DPY19L2: variants seen among roughly 807,000 people sequenced by gnomAD.
DPY19L2 encodes the protein probable C-mannosyltransferase DPY19L2.
Under a neutral mutation model 97.9 loss-of-function variants are expected in DPY19L2, and 34 were observed. That is an observed-to-expected ratio of 0.35 (90% CI 0.26 to 0.46). The LOEUF (loss-of-function observed/expected upper bound fraction) is 0.46, where lower values mean the gene tolerates loss of function less well. DPY19L2 is among the 20% of genes least tolerant of loss of function. The pLI is 1.00. For missense variants in DPY19L2, 623 were observed against 911.4 expected (o/e 0.68, Z 4.07); for synonymous variants, 230 against 307.9 (o/e 0.75, Z 2.65).
chr12:63,602,667 AATT>A (rs1197911839), intron 12 of DPY19L2, among the ~76,000 whole-genome samples: 6 of 152,096 alleles, frequency 3.9e-5, no homozygotes, highest in Non-Finnish European at 2.9e-5. Flanking sequence ...AAAGTCACAT[AATT>A]TATAAGGGAC....
chr12:63,574,176 G>A (rs1454995621), intron 19 of DPY19L2, among the ~76,000 whole-genome samples: 2 of 151,988 alleles, frequency 1.3e-5, no homozygotes, highest in Admixed American at 6.6e-5. Flanking sequence ...AAAGTGGGGA[G>A]ATGAAGTTAA....
At chr12:63,659,800 A>G (rs1180936344) in intron 4 of DPY19L2, among the ~76,000 whole-genome samples, 2 of 152,124 alleles carry the variant, frequency 1.3e-5, no homozygotes, top group African/African-American at 2.4e-5. Context: ...ATATAGCTTC[A>G]TACATTTGTC....
intron 4 of DPY19L2, chr12:63,651,663 T>G (rs1894246076): frequency 6.7e-6 from 3 of 447,440 alleles, no homozygotes; most frequent in African/African-American, 4.0e-5. Context: ...GACTGCGCGG[T>G]GCATTGAGTC....
At chr12:63,646,976 T>A (rs1893496722) in intron 5 of DPY19L2, among the ~76,000 whole-genome samples, 1 of 152,150 alleles carries the variant, frequency 6.6e-6, no homozygotes, top group Non-Finnish European at 1.5e-5. Flanking sequence ...CTGTATCTTC[T>A]CATTCTGAAA....
intron 13 of DPY19L2, among the ~76,000 whole-genome samples, chr12:63,599,629 C>A (rs987972818): frequency 2.0e-5 from 3 of 152,070 alleles, no homozygotes; most frequent in African/African-American, 7.2e-5. Flanking sequence ...ATATGATATA[C>A]TCATGTATGC....
chr12:63,562,217 A>T (rs1238051244), intron 21 of DPY19L2, among the ~76,000 whole-genome samples: 1 of 152,186 alleles, frequency 6.6e-6, no homozygotes, highest in Non-Finnish European at 1.5e-5. Context: ...AATAAAAATC[A>T]TGAACATATC....
At chr12:63,646,431 T>G (rs1015791857) in intron 5 of DPY19L2, among the ~76,000 whole-genome samples, 2 of 152,148 alleles carry the variant, frequency 1.3e-5, no homozygotes, top group Non-Finnish European at 2.9e-5. Context: ...CTATTTTTAC[T>G]GAGGGAATCA....
intron 8 of DPY19L2, 26 bp from the exon 9 acceptor site, chr12:63,621,363 A>G: frequency 1.2e-6 from 1 of 829,576 alleles, no homozygotes; most frequent in South Asian, 1.5e-5. Flanking sequence ...TGATACCAGT[A>G]AGTTTCACCC....
intron 12 of DPY19L2, among the ~76,000 whole-genome samples, chr12:63,603,477 T>C (rs1480864330): frequency 2.0e-5 from 3 of 152,286 alleles, no homozygotes; most frequent in African/African-American, 7.2e-5. Flanking sequence ...TACCTAGGTA[T>C]TAAGCCCAGC....
At chr12:63,576,162 A>C (rs1879775717) in intron 19 of DPY19L2, among the ~76,000 whole-genome samples, 1 of 152,032 alleles carries the variant, frequency 6.6e-6, no homozygotes, top group Non-Finnish European at 1.5e-5. Context: ...GTGATACGTC[A>C]TATCAACACA....
At chr12:63,660,499 G>C (rs889612009) in intron 4 of DPY19L2, among the ~76,000 whole-genome samples, 1 of 151,900 alleles carries the variant, frequency 6.6e-6, no homozygotes, top group Non-Finnish European at 1.5e-5. Flanking sequence ...GTATAAGTTG[G>C]ACTAGAAGCA....
intron 12 of DPY19L2, among the ~76,000 whole-genome samples, chr12:63,606,944 C>T (rs1886139217): frequency 1.3e-5 from 2 of 152,126 alleles, no homozygotes; most frequent in Admixed American, 6.5e-5. Context: ...AAGTGAATCA[C>T]TTATATCTAA....
intron 6 of DPY19L2, among the ~76,000 whole-genome samples, chr12:63,633,175 G>A (rs1891023948): frequency 1.3e-5 from 2 of 152,174 alleles, no homozygotes; most frequent in African/African-American, 4.8e-5. Flanking sequence ...CATGACTAAA[G>A]CACCAAAAGC....
chr12:63,560,397 CTTATTT>C lies in DPY19L2; in HGVS notation c.*109_*114del, dbSNP rs1876237687. 2 of 1,273,640 alleles carry C rather than the reference CTTATTT, an allele frequency of 1.6e-6. No individual in the cohort carries two copies. The highest frequency in any genetic ancestry group is 2.1e-5 in the South Asian group (1 of 47,238). The allele number at this position is 1,273,640 out of a possible 1,614,324, so 78.9% of individuals were successfully genotyped here. A position where few individuals can be genotyped will look rare whatever the true frequency, so the allele number is the denominator to read the frequency against. On this transcript the variant is annotated 3_prime_UTR_variant, in exon 22 of 22. Transcript: ENST00000324472. ...AGAAAAATTTCCAATCCATTTTTAT[CTTATTT>C]TTAAGTGTCTGTTATTAAAGCTTGT...
intron 9 of DPY19L2, among the ~76,000 whole-genome samples, chr12:63,620,716 G>A (rs538116968): frequency 9.9e-5 from 15 of 152,070 alleles, no homozygotes; most frequent in African/African-American, 3.1e-4. Context: ...ATTAATATAC[G>A]CAAAGGAATA....
intron 16 of DPY19L2, among the ~76,000 whole-genome samples, chr12:63,586,718 C>T (rs1199595360): frequency 6.6e-6 from 1 of 152,060 alleles, no homozygotes; most frequent in Non-Finnish European, 1.5e-5. Context: ...CTGTCAGACA[C>T]ACAGGAAATA....
chr12:63,581,159 G>A (rs1373868218), intron 18 of DPY19L2, among the ~76,000 whole-genome samples: 1 of 152,068 alleles, frequency 6.6e-6, no homozygotes, highest in African/African-American at 2.4e-5. Flanking sequence ...TGCATCCTTG[G>A]CTGCCTTTTG....
At chr12:63,581,699 T>G (rs1014306601) in intron 18 of DPY19L2, among the ~76,000 whole-genome samples, 3 of 150,992 alleles carry the variant, frequency 2.0e-5, no homozygotes, top group Non-Finnish European at 4.4e-5. Context: ...GCCAGGCTGG[T>G]CTTGAACTCC....
At chr12:63,627,017 T>G (rs979816927) in intron 6 of DPY19L2, among the ~76,000 whole-genome samples, 9 of 152,134 alleles carry the variant, frequency 5.9e-5, no homozygotes, top group Admixed American at 2.6e-4. Context: ...GACCTCGTGA[T>G]CCACCCGCCT....
Sources: allele counts gnomAD v4.1 joint callset (sites outside exome capture counted in the v4.1 genomes callset), GRCh38; gene constraint gnomAD v4.1.1; transcripts MANE v1.5; gene names NCBI Gene and HGNC (gene_info 2026-07-23, HGNC 2026-07-21).